PTH2R: variants seen among roughly 807,000 people sequenced by gnomAD.
PTH2R encodes the protein PTH2 receptor.
In PTH2R, 59 loss-of-function variants were observed where a neutral mutation model predicts 60.3. That is an observed-to-expected ratio of 0.98 (90% confidence interval 0.79 to 1.22). The LOEUF is 1.22. Among genes scored for constraint, PTH2R ranks in the 50% most tolerant of loss-of-function variants. The pLI, the probability that PTH2R is intolerant of heterozygous loss-of-function variation, is 0.00. For missense variants in PTH2R, 749 were observed against 682.6 expected, an observed-to-expected ratio of 1.10 and a Z score of -1.08; for synonymous variants, 256 against 243.8, an observed-to-expected ratio of 1.05 and a Z score of -0.47.
intron 7 of PTH2R, among the ~76,000 whole-genome samples, chr2:208,448,044 A>G (rs1029190497): frequency 6.6e-6 from 1 of 152,176 alleles, no homozygotes; most frequent in Non-Finnish European, 1.5e-5. Flanking sequence ...CATCATATAA[A>G]ACCACCTATC....
intron 1 of PTH2R, among the ~76,000 whole-genome samples, chr2:208,409,184 T>A (rs1451201425): frequency 6.6e-6 from 1 of 152,218 alleles, no homozygotes; most frequent in Non-Finnish European, 1.5e-5. Flanking sequence ...TGCCGAATTT[T>A]TGACATTTTA....
At chr2:208,407,576 A>C (rs1189053554) in intron 1 of PTH2R, among the ~76,000 whole-genome samples, 1 of 152,244 alleles carries the variant, frequency 6.6e-6, no homozygotes. Context: ...GCTGTCTGTG[A>C]TACAGAATCA....
At chr2:208,454,147 A>C (rs1702463290) in intron 8 of PTH2R, among the ~76,000 whole-genome samples, 1 of 152,152 alleles carries the variant, frequency 6.6e-6, no homozygotes, top group Non-Finnish European at 1.5e-5. Context: ...CTACATGATG[A>C]ATGAACATGA....
chr2:208,433,257 T>C (rs1444588659), intron 2 of PTH2R, among the ~76,000 whole-genome samples: 1 of 152,226 alleles, frequency 6.6e-6, no homozygotes, highest in African/African-American at 2.4e-5. Flanking sequence ...GTTATTTGCA[T>C]GGAGATCTTT....
At chr2:208,378,097 G>A (rs1700840607) in intron 1 of PTH2R, among the ~76,000 whole-genome samples, 1 of 151,998 alleles carries the variant, frequency 6.6e-6, no homozygotes, top group South Asian at 2.1e-4. Context: ...AGCACTGAGT[G>A]AACCAGACTC....
intron 8 of PTH2R, among the ~76,000 whole-genome samples, chr2:208,458,693 C>T (rs1259696): frequency 0.43 from 65,072 of 151,872 alleles, 15,259 homozygotes; most frequent in African/African-American, 0.63. Flanking sequence ...AGTGAGAACA[C>T]GTGGTATTTG....
chr2:208,426,403 T>G (rs2105852247), intron 1 of PTH2R, among the ~76,000 whole-genome samples: 2 of 152,346 alleles, frequency 1.3e-5, no homozygotes, highest in East Asian at 3.9e-4. Context: ...CACTATCATT[T>G]TAATGTCATT....
intron 9 of PTH2R, among the ~76,000 whole-genome samples, chr2:208,480,789 A>G (rs544615491): frequency 1.2e-4 from 18 of 152,348 alleles, no homozygotes; most frequent in African/African-American, 4.3e-4. Context: ...CCACTTTGCC[A>G]AAGGGCTTCA....
chr2:208,487,618 T>G (rs1474778437), intron 10 of PTH2R, among the ~76,000 whole-genome samples: 1 of 152,186 alleles, frequency 6.6e-6, no homozygotes, highest in Non-Finnish European at 1.5e-5. Context: ...AACAACTCCC[T>G]TGCTATTTCC....
At chr2:208,388,789 C>T (rs1436526378) in intron 1 of PTH2R, among the ~76,000 whole-genome samples, 1 of 152,134 alleles carries the variant, frequency 6.6e-6, no homozygotes, top group Non-Finnish European at 1.5e-5. Flanking sequence ...AAATTCACTG[C>T]CCATATCCTT....
At chr2:208,455,907 T>C (rs779641436) in intron 8 of PTH2R, among the ~76,000 whole-genome samples, 1 of 152,172 alleles carries the variant, frequency 6.6e-6, no homozygotes, top group African/African-American at 2.4e-5. Flanking sequence ...ACTCTATTGA[T>C]ATACAAAAGA....
intron 1 of PTH2R, among the ~76,000 whole-genome samples, chr2:208,365,215 T>A (rs62195333): frequency 0.079 from 12,073 of 152,254 alleles, 662 homozygotes; most frequent in Middle Eastern, 0.16. Flanking sequence ...TGAATAGAAG[T>A]GTCCAGAACA....
At chr2:208,441,198 A>T (rs1435832333) in intron 4 of PTH2R, among the ~76,000 whole-genome samples, 1 of 152,180 alleles carries the variant, frequency 6.6e-6, no homozygotes, top group African/African-American at 2.4e-5. Context: ...ACTCAGAGAA[A>T]CACTTACGTT....
chr2:208,377,681 TCCTCACTTCTCAGACGGGGTGGCC>T (rs1458362063), intron 1 of PTH2R, among the ~76,000 whole-genome samples: 9 of 146,242 alleles, frequency 6.2e-5, no homozygotes, highest in Non-Finnish European at 1.2e-4. Context: ...GCGGAGGGGC[TCCTCACTTCTCAGACGGGGTGGCC>T]GGGCAGAGAC....
chr2:208,452,201 C>G (rs1365008791), intron 8 of PTH2R, among the ~76,000 whole-genome samples: 5 of 152,102 alleles, frequency 3.3e-5, no homozygotes, highest in African/African-American at 4.8e-5. Context: ...GATGTACAAC[C>G]TAACCTCTCT....
At chr2:208,439,604 G>T (rs1702143334) in intron 4 of PTH2R, among the ~76,000 whole-genome samples, 1 of 151,778 alleles carries the variant, frequency 6.6e-6, no homozygotes, top group Admixed American at 6.6e-5. Context: ...AGATATTTTT[G>T]AGCACTATTT....
At chr2:208,386,020 T>C (rs1481195067) in intron 1 of PTH2R, among the ~76,000 whole-genome samples, 1 of 152,238 alleles carries the variant, frequency 6.6e-6, no homozygotes, top group Non-Finnish European at 1.5e-5. Flanking sequence ...GCTAAATTAC[T>C]GTTCTCTACT....
At chr2:208,389,789 C>T (rs1302707590) in intron 1 of PTH2R, among the ~76,000 whole-genome samples, 5 of 151,480 alleles carry the variant, frequency 3.3e-5, no homozygotes, top group Admixed American at 6.6e-5. Flanking sequence ...ATTTCTTTTC[C>T]GCTTTTTCTT....
intron 9 of PTH2R, among the ~76,000 whole-genome samples, chr2:208,471,471 C>A (rs968785784): frequency 6.6e-6 from 1 of 152,234 alleles, no homozygotes; most frequent in African/African-American, 2.4e-5. Flanking sequence ...AGAGCTTGGG[C>A]CATGGCTTCA....
Sources: allele counts gnomAD v4.1 joint callset (sites outside exome capture counted in the v4.1 genomes callset), GRCh38; gene constraint gnomAD v4.1.1; transcripts MANE v1.5; gene names NCBI Gene and HGNC (gene_info 2026-07-23, HGNC 2026-07-21).